Variants in PLCG2 observed in about 807,000 individuals in gnomAD.
PLCG2 encodes the protein phospholipase C gamma 2, also known as 1-phosphatidylinositol 4,5-bisphosphate phosphodiesterase gamma-2.
PLCG2 carries 69 observed loss-of-function variants against 175.6 expected under a neutral mutation model. That is an observed-to-expected ratio of 0.39 (90% CI 0.32 to 0.48). PLCG2 has a LOEUF of 0.48. Among genes scored for constraint, PLCG2 ranks in the 20% least tolerant of loss-of-function variants. The probability of loss-of-function intolerance (pLI) is 0.91; values close to 1 mark genes in which losing one functional copy is unlikely to be tolerated. For synonymous variants in PLCG2, 827 were observed against 624.0 expected (o/e 1.33, Z -4.85); for missense variants, 1,798 against 1,650.9 (o/e 1.09, Z -1.54).
intron 1 of PLCG2, among the ~76,000 whole-genome samples, chr16:81,751,285 A>G (rs1359411641): frequency 6.6e-6 from 1 of 152,120 alleles, no homozygotes; most frequent in African/African-American, 2.4e-5. Context: ...CCAGCCTGGA[A>G]CTAGAGATTG....
upstream of PLCG2, chr16:81,739,075 C>A (rs756631745): frequency 6.6e-6 from 1 of 152,016 alleles, no homozygotes. Flanking sequence ...CAGGAGGAAG[C>A]TGGGGCCGCC....
chr16:81,764,050 T>G (rs1001948158), intron 2 of PLCG2, among the ~76,000 whole-genome samples: 2 of 151,894 alleles, frequency 1.3e-5, no homozygotes, highest in Non-Finnish European at 2.9e-5. Flanking sequence ...CCCAGCACTT[T>G]GGGAGGCTGA....
At chr16:81,805,322 A>T (rs1352225351) in intron 2 of PLCG2, among the ~76,000 whole-genome samples, 1 of 151,862 alleles carries the variant, frequency 6.6e-6, no homozygotes, top group Admixed American at 6.6e-5. Flanking sequence ...ACACGGTGAA[A>T]CTCTGTCTCT....
At chr16:81,838,393 A>G (rs1313311278) in intron 2 of PLCG2, among the ~76,000 whole-genome samples, 2 of 152,172 alleles carry the variant, frequency 1.3e-5, no homozygotes, top group Admixed American at 6.5e-5. Context: ...AGCCTGAAAG[A>G]TATGAAATGT....
chr16:81,750,663 A>ATTTTTTTTTTTTGTTTTTTTTTTTTT (rs1909791237), intron 1 of PLCG2, among the ~76,000 whole-genome samples: 1 of 68,446 alleles, frequency 1.5e-5, no homozygotes, highest in African/African-American at 5.0e-5. Flanking sequence ...GGGACTGGAG[A>ATTTTTTTTTTTTGTTTTTTTTTTTTT]TTTTTTTTTT....
chr16:81,818,805 C>T (rs1417411817), intron 2 of PLCG2, among the ~76,000 whole-genome samples: 1 of 151,020 alleles, frequency 6.6e-6, no homozygotes, highest in Non-Finnish European at 1.5e-5. Flanking sequence ...GGAGGGCAGC[C>T]TCATGAGAAC....
At chr16:81,748,334 A>G (rs550183635) in intron 1 of PLCG2, among the ~76,000 whole-genome samples, 6 of 152,224 alleles carry the variant, frequency 3.9e-5, no homozygotes, top group African/African-American at 1.4e-4. Flanking sequence ...AAGTTGCAGT[A>G]AGTCGAGATG....
intron 8 of PLCG2, 70 bp from the exon 9 acceptor site, chr16:81,883,199 C>T: frequency 7.2e-7 from 1 of 1,392,182 alleles, no homozygotes; most frequent in South Asian, 1.2e-5. Flanking sequence ...GCCCCATTGG[C>T]TGGCATCTCC....
At chr16:81,768,243 A>C (rs566036828) in intron 2 of PLCG2, among the ~76,000 whole-genome samples, 2 of 152,202 alleles carry the variant, frequency 1.3e-5, no homozygotes, top group Admixed American at 1.3e-4. Context: ...GTGTGTATCA[A>C]TAATTACTTT....
intron 2 of PLCG2, among the ~76,000 whole-genome samples, chr16:81,772,156 ACT>A (rs1190400437): frequency 1.3e-5 from 2 of 152,156 alleles, no homozygotes; most frequent in African/African-American, 4.8e-5. Flanking sequence ...CAGGGTGGAC[ACT>A]CAATCAGAGG....
intron 1 of PLCG2, among the ~76,000 whole-genome samples, chr16:81,753,050 G>A (rs983866935): frequency 3.3e-5 from 5 of 152,228 alleles, no homozygotes; most frequent in African/African-American, 9.6e-5. Context: ...ATTAGCTAGT[G>A]CCTGTGGCTC....
chr16:81,897,543 CTTTTCTTTTT>C (rs1240457579), intron 13 of PLCG2, among the ~76,000 whole-genome samples: 26 of 120,254 alleles, frequency 2.2e-4, no homozygotes, highest in African/African-American at 7.5e-4. Flanking sequence ...CTTTTCTTTT[CTTTTCTTTTT>C]TTTTTTTTTT....
chr16:81,741,832 C>T (rs141999684), intron 1 of PLCG2, among the ~76,000 whole-genome samples: 3 of 152,266 alleles, frequency 2.0e-5, no homozygotes, highest in African/African-American at 7.2e-5. Flanking sequence ...ATGATCAAAT[C>T]AGAGTCATTA....
At chr16:81,917,834 G>T (rs575298205) in intron 19 of PLCG2, among the ~76,000 whole-genome samples, 4 of 152,282 alleles carry the variant, frequency 2.6e-5, no homozygotes, top group Non-Finnish European at 5.9e-5. Context: ...CCATTCTCTT[G>T]CCTCAGCCTC....
chr16:81,926,981 G>A, intron 22 of PLCG2, 101 bp from the exon 23 acceptor site: 1 of 763,972 alleles, frequency 1.3e-6, no homozygotes, highest in Middle Eastern at 3.1e-4. Flanking sequence ...CTTGCTGTCT[G>A]TCCCCATCAG....
intron 2 of PLCG2, among the ~76,000 whole-genome samples, chr16:81,841,253 T>C (rs867053003): frequency 7.2e-6 from 1 of 138,130 alleles, no homozygotes; most frequent in Non-Finnish European, 1.6e-5. Context: ...TATTTATTTA[T>C]TGAGATAGAG....
At chr16:81,882,735 C>T (rs775275055) in intron 8 of PLCG2, among the ~76,000 whole-genome samples, 1 of 151,896 alleles carries the variant, frequency 6.6e-6, no homozygotes, top group Non-Finnish European at 1.5e-5. Flanking sequence ...TTCTTGCTCA[C>T]CCCACCTCAT....
At chr16:81,892,587 T>G (rs930617316) in intron 11 of PLCG2, among the ~76,000 whole-genome samples, 1 of 152,146 alleles carries the variant, frequency 6.6e-6, no homozygotes, top group African/African-American at 2.4e-5. Flanking sequence ...CCCATCATTT[T>G]AAGAGTTTGT....
chr16:81,816,322 A>G (rs1904544605), intron 2 of PLCG2, among the ~76,000 whole-genome samples: 1 of 152,044 alleles, frequency 6.6e-6, no homozygotes, highest in Admixed American at 6.6e-5. Context: ...AGTGAGTCCA[A>G]ATCGTGCCAC....
Sources: allele counts gnomAD v4.1 joint callset (sites outside exome capture counted in the v4.1 genomes callset), GRCh38; gene constraint gnomAD v4.1.1; transcripts MANE v1.5; gene names NCBI Gene and HGNC (gene_info 2026-07-23, HGNC 2026-07-21).